The following VSTM4 variants were observed in gnomAD, a reference collection of about 807,000 sequenced individuals.
VSTM4 encodes the protein V-set and transmembrane domain-containing protein 4.
In VSTM4, 20 loss-of-function variants were observed where a neutral mutation model predicts 36.4. That is an observed-to-expected ratio of 0.55 (90% CI 0.39 to 0.80). The LOEUF is 0.80. Among genes scored for constraint, VSTM4 ranks in the 30% least tolerant of loss-of-function variants. VSTM4 has a pLI of 0.00. For missense variants in VSTM4, 392 were observed against 404.5 expected (o/e 0.97, Z 0.26); for synonymous variants, 182 against 173.9 (o/e 1.05, Z -0.37).
intron 5 of VSTM4, among the ~76,000 whole-genome samples, chr10:49,051,477 C>T (rs1843697593): frequency 6.6e-6 from 1 of 150,672 alleles, no homozygotes; most frequent in Non-Finnish European, 1.5e-5. Flanking sequence ...CTCACTGCAA[C>T]CTCCGCCTCC....
At chr10:49,071,465 G>A (rs1844077969) in intron 4 of VSTM4, among the ~76,000 whole-genome samples, 2 of 152,232 alleles carry the variant, frequency 1.3e-5, no homozygotes, top group Admixed American at 1.3e-4. Flanking sequence ...TTGAGGCTCA[G>A]GAGGGAAGGG....
Position 49,017,578 on chromosome 10 carries a change from C to G in VSTM4, c.*2072G>C, listed in dbSNP as rs1008716054. The G allele has an allele frequency of 1.3e-5, 2 of 152,222 alleles. No homozygotes were observed. Among genetic ancestry groups the G allele is most frequent in the African/African-American group, 4.8e-5 (2 of 41,450 alleles). 9.4% of individuals were successfully genotyped at this position (152,222 alleles called of 1,614,324 possible). A position where few individuals can be genotyped will look rare whatever the true frequency, so the allele number is the denominator to read the frequency against. ...CCTGTCCATGCATAATAACCCTAAG[C>G]TCTCTTTGGATTTAAGTGGGTGGGT... On this transcript the variant is annotated 3_prime_UTR_variant, in exon 8 of 8. Coordinates refer to ENST00000332853, the MANE Select transcript of VSTM4 (RefSeq NM_001031746.5).
intron 2 of VSTM4, among the ~76,000 whole-genome samples, chr10:49,099,202 A>C (rs17773666): frequency 0.15 from 22,617 of 152,212 alleles, 2,048 homozygotes; most frequent in Non-Finnish European, 0.21. Flanking sequence ...GATGGAAACA[A>C]CACCAGCTGT....
chr10:49,048,212 T>C (rs1376083436), intron 6 of VSTM4, among the ~76,000 whole-genome samples: 1 of 152,226 alleles, frequency 6.6e-6, no homozygotes, highest in African/African-American at 2.4e-5. Context: ...TCTGTGGATG[T>C]TGATCTTCCC....
intron 5 of VSTM4, among the ~76,000 whole-genome samples, chr10:49,062,330 A>T (rs1038939378): frequency 6.6e-6 from 1 of 152,042 alleles, no homozygotes; most frequent in Non-Finnish European, 1.5e-5. Flanking sequence ...CTGTTTCAAG[A>T]TTATATTTTA....
Position 49,048,470 on chromosome 10 carries a change from C to A in VSTM4, c.775+8G>T. 2 of 1,579,988 alleles carry A rather than the reference C, an allele frequency of 1.3e-6. No individual in the cohort carries two copies. Among genetic ancestry groups the A allele is most frequent in the Non-Finnish European group, 8.6e-7 (1 of 1,168,754 alleles). On this transcript the variant is annotated splice_region_variant and intron_variant, in intron 6 of 7. Transcript: ENST00000332853. The stretch of plus-strand genomic sequence containing the variant: ...TTCCAGGTAAGAAACTGCAGGCCAG[C>A]TCCTTACCTTTGGCAGGGACTGCGG...
rs1190113342 is a variant in VSTM4, at chr10:49,086,030, G to A, written c.458-7C>T. The A allele has an allele frequency of 1.9e-6, 3 of 1,573,366 alleles. No individual in the cohort carries two copies. The highest frequency in any genetic ancestry group is 1.2e-5 in the South Asian group (1 of 83,438). On this transcript the variant is annotated splice_polypyrimidine_tract_variant and splice_region_variant and intron_variant, in intron 2 of 7. Coordinates refer to ENST00000332853, the MANE Select transcript of VSTM4 (RefSeq NM_001031746.5). Reference sequence around the variant, plus strand: ...GAAGCTTTGAGGGAAATGACTGAAAGACAAAAAAGAAACAGCACAGTATGA... The same window carrying A: ...GAAGCTTTGAGGGAAATGACTGAAAAACAAAAAAGAAACAGCACAGTATGA...
intron 7 of VSTM4, 135 bp from the exon 8 acceptor site, chr10:49,019,910 AG>A: frequency 8.8e-7 from 1 of 1,138,432 alleles, no homozygotes; most frequent in Non-Finnish European, 1.2e-6. Flanking sequence ...GAAATTTAAG[AG>A]GCTACATAAT....
At chr10:49,028,667 T>G (rs1310228602) in intron 7 of VSTM4, among the ~76,000 whole-genome samples, 1 of 152,190 alleles carries the variant, frequency 6.6e-6, no homozygotes, top group African/African-American at 2.4e-5. Flanking sequence ...GGTTTAGCAT[T>G]CTCTTATGCA....
At chr10:49,040,000 GCT>G (rs1350554543) in intron 7 of VSTM4, among the ~76,000 whole-genome samples, 6 of 152,204 alleles carry the variant, frequency 3.9e-5, no homozygotes, top group Admixed American at 2.6e-4. Context: ...CCGAAGCTTT[GCT>G]GCAGGGCATT....
At chr10:49,046,062 T>C (rs1843606432) in intron 7 of VSTM4, among the ~76,000 whole-genome samples, 1 of 152,192 alleles carries the variant, frequency 6.6e-6, no homozygotes, top group South Asian at 2.1e-4. Context: ...CCTGCCTCCA[T>C]GTAAGATGTG....
At chr10:49,064,001 G>C (rs966354991) in intron 5 of VSTM4, 1 of 152,230 alleles carries the variant, frequency 6.6e-6, no homozygotes, top group African/African-American at 2.4e-5. Context: ...GTTTTCTGTT[G>C]CTAGATTGGA....
chr10:49,107,900 T>C lies in VSTM4; in HGVS notation c.151A>G (p.Lys51Glu), dbSNP rs763942338. Reference sequence around the variant, plus strand: ...GCCAGCAAGCTGTCCTTCCGCCTTTTCTGGGAGACGTGGCAGAGGAGAGTG... The same window carrying C: ...GCCAGCAAGCTGTCCTTCCGCCTTTCCTGGGAGACGTGGCAGAGGAGAGTG... ...NATLLCHVSQ[K>E]RRKDSLLAVR... Residue 51 changes from lysine (K) to glutamate (E), a missense_variant, in exon 2 of 8, where the codon AAA becomes GAA. Lys to Glu is a moderately conservative substitution (Grantham distance 56). Transcript: ENST00000332853. The C allele has an allele frequency of 6.2e-6, 10 of 1,614,048 alleles. No homozygotes were observed. In the South Asian group the frequency reaches 1.1e-4, roughly 18 times the overall value.
At chr10:49,073,970 C>T (rs570476419) in intron 4 of VSTM4, among the ~76,000 whole-genome samples, 1 of 152,304 alleles carries the variant, frequency 6.6e-6, no homozygotes, top group African/African-American at 2.4e-5. Flanking sequence ...AAAAACCCTA[C>T]CAACAGTTGG....
chr10:49,033,026 A>G (rs994021808), intron 7 of VSTM4, among the ~76,000 whole-genome samples: 2 of 152,022 alleles, frequency 1.3e-5, no homozygotes, highest in Non-Finnish European at 2.9e-5. Context: ...AAATGAGGCT[A>G]TACTTTCACA....
At chr10:49,022,681 G>A (rs1190218390) in intron 7 of VSTM4, among the ~76,000 whole-genome samples, 4 of 152,148 alleles carry the variant, frequency 2.6e-5, no homozygotes, top group Admixed American at 1.3e-4. Context: ...TCGCTTTTCA[G>A]TTTAATTACA....
chr10:49,055,114 CT>C (rs1213784084), intron 5 of VSTM4, among the ~76,000 whole-genome samples: 1 of 152,180 alleles, frequency 6.6e-6, no homozygotes, highest in Non-Finnish European at 1.5e-5. Flanking sequence ...ATGTCAAATG[CT>C]TTCGTCAAGC....
rs550447361 is a variant in VSTM4 at position 49,084,111 on chromosome 10, T to C, written c.526+1844A>G. Among the ~76,000 whole-genome samples, 3 of 152,316 alleles carry C rather than the reference T, an allele frequency of 2.0e-5. No homozygotes were observed. The South Asian group carries it at 6.2e-4, about 32-fold the overall frequency. On this transcript the variant is annotated intron_variant, in intron 3 of 7. Coordinates refer to ENST00000332853, the MANE Select transcript of VSTM4 (RefSeq NM_001031746.5). ...AAACATCAATGGGGTTGCCTCAATT[T>C]TACTAAATAGTAATGAGAAAGGTAA... is the stretch of plus-strand genomic sequence containing the variant.
rs1404184892 is a variant in VSTM4 at position 49,017,805 on chromosome 10, A to G, written c.*1845T>C. 2 of 152,192 alleles carry G rather than the reference A, an allele frequency of 1.3e-5. No individual in the cohort carries two copies. The highest frequency in any genetic ancestry group is 1.5e-5 in the Non-Finnish European group (1 of 68,038). 9.4% of individuals were successfully genotyped at this position (152,192 alleles called of 1,614,324 possible). A position where few individuals can be genotyped will look rare whatever the true frequency, so the allele number is the denominator to read the frequency against. On this transcript the variant is annotated 3_prime_UTR_variant, in exon 8 of 8. Transcript: ENST00000332853. ...TCATCCTCTGCCCTCAAAACACTAT[A>G]CATCTGTCAGAACACTGCCATGATA...
Sources: allele counts gnomAD v4.1 joint callset (sites outside exome capture counted in the v4.1 genomes callset), GRCh38; gene constraint gnomAD v4.1.1; transcripts MANE v1.5; gene names NCBI Gene and HGNC (gene_info 2026-07-23, HGNC 2026-07-21).